SEL1L3: variants seen among roughly 807,000 people sequenced by gnomAD.
SEL1L3 encodes the protein SEL1L family member 3.
SEL1L3 carries 76 observed loss-of-function variants against 142.8 expected under a neutral mutation model. The observed-to-expected ratio is 0.53, with a 90% confidence interval of 0.44 to 0.64. The LOEUF (loss-of-function observed/expected upper bound fraction) is 0.64, where lower values mean the gene tolerates loss of function less well. Among genes scored for constraint, SEL1L3 ranks in the 30% least tolerant of loss-of-function variants. The pLI is 0.00. For missense variants in SEL1L3, 1,262 were observed against 1,381.7 expected (o/e 0.91, Z 1.37); for synonymous variants, 504 against 519.6 (o/e 0.97, Z 0.41).
chr4:25,740,640 G>T, the SEL1L3 span, among the ~76,000 whole-genome samples: 1 of 152,058 alleles, frequency 6.6e-6, no homozygotes, highest in Admixed American at 6.6e-5. Flanking sequence ...GCTCATACTT[G>T]GGAGTGGGCT....
At chr4:25,715,299 G>A in the SEL1L3 span, among the ~76,000 whole-genome samples, 13 of 152,130 alleles carry the variant, frequency 8.5e-5, no homozygotes, top group East Asian at 3.9e-4. Flanking sequence ...GGAGACCAGC[G>A]TGGGCAACAG....
At chr4:25,862,970 ACCCGCCGCCGCCGCCACTGCCGCT>A (rs1388268489) in exon 1 of SEL1L3, 9 of 504,614 alleles carry the variant, frequency 1.8e-5, no homozygotes, top group African/African-American at 1.8e-4. Context: ...CCACCTCCGG[ACCCGCCGCCGCCGCCACTGCCGCT>A]CCCGCCGTCG....
At chr4:25,851,531 C>T (rs1426274426) in intron 1 of SEL1L3, among the ~76,000 whole-genome samples, 1 of 152,062 alleles carries the variant, frequency 6.6e-6, no homozygotes, top group Non-Finnish European at 1.5e-5. Flanking sequence ...ATATCCTTCC[C>T]TAACTTTTGA....
In SEL1L3 at chr4:25,790,409, C is replaced by T. The variant is rs1577607073; in HGVS notation, c.2076+46G>A. ...TTTCATTACCACGGTATAACCCAGT[C>T]TATCATGGCTGACAGAATCCCCAAG... On this transcript the variant is annotated intron_variant, in intron 12 of 23. Coordinates refer to ENST00000399878, the MANE Select transcript of SEL1L3 (RefSeq NM_015187.5). 3 of 1,599,058 alleles carry T rather than the reference C, an allele frequency of 1.9e-6. No individual in the cohort carries two copies. In the East Asian group the frequency reaches 6.7e-5, roughly 36 times the overall value.
At chr4:25,714,617 G>T in the SEL1L3 span, among the ~76,000 whole-genome samples, 1 of 146,264 alleles carries the variant, frequency 6.8e-6, no homozygotes, top group Non-Finnish European at 1.5e-5. Context: ...TCTCACCCAG[G>T]CTGGAGTGCA....
chr4:25,793,771 C>A (rs1223980214), intron 11 of SEL1L3, among the ~76,000 whole-genome samples: 2 of 152,166 alleles, frequency 1.3e-5, no homozygotes, highest in Non-Finnish European at 2.9e-5. Flanking sequence ...ACCTATGAGC[C>A]ATTCTTTTTC....
intron 11 of SEL1L3, among the ~76,000 whole-genome samples, chr4:25,799,017 G>C (rs2109212959): frequency 6.6e-6 from 1 of 152,184 alleles, no homozygotes; most frequent in Middle Eastern, 3.4e-3. Flanking sequence ...CTTGCAGATG[G>C]CTGTCATCTT....
At position 25,818,250 on chromosome 4, in the gene SEL1L3, G is replaced by T; in HGVS notation, c.1452C>A (p.Leu484=). 2.5e-6 allele frequency: 4 copies of T among 1,602,430 alleles called. No homozygotes were observed. The highest frequency in any genetic ancestry group is 3.4e-6 in the Non-Finnish European group (4 of 1,174,454). Residue 484 remains leucine (L), a synonymous_variant, in exon 9 of 24, where the codon CTC becomes CTA. Coordinates refer to ENST00000399878, the MANE Select transcript of SEL1L3 (RefSeq NM_015187.5). The part of the protein sequence containing the change: ...ACHLHNSYLD[L]QRRYGRPSMC... Reference sequence around the variant, plus strand: ...TCGAGGGTCTCCCATACCTGCGCTGGAGGTCCAGGTAGGAGTTGTGGAGGT... The same window carrying T: ...TCGAGGGTCTCCCATACCTGCGCTGTAGGTCCAGGTAGGAGTTGTGGAGGT...
At chr4:25,839,821 C>CAA (rs35677806) in intron 2 of SEL1L3, among the ~76,000 whole-genome samples, 58,027 of 151,962 alleles carry the variant, frequency 0.38, 12,863 homozygotes, top group East Asian at 0.51. Flanking sequence ...AAGAAAAGAA[C>CAA]AAAAGCTCTG....
intron 21 of SEL1L3, 53 bp downstream of exon 21, chr4:25,758,888 A>G: frequency 6.5e-7 from 1 of 1,545,584 alleles, no homozygotes. Context: ...AGAAGCGAAC[A>G]TCATCTACTT....
downstream of SEL1L3, among the ~76,000 whole-genome samples, chr4:25,744,684 CA>C (rs1435419492): frequency 2.0e-5 from 3 of 152,166 alleles, no homozygotes; most frequent in Non-Finnish European, 2.9e-5. Context: ...AATTAGAGGC[CA>C]GGGGTACTGT....
chr4:25,742,499 C>T (rs1052203525), downstream of SEL1L3, among the ~76,000 whole-genome samples: 3 of 151,026 alleles, frequency 2.0e-5, no homozygotes, highest in African/African-American at 2.4e-5. Context: ...GGTTTCACCA[C>T]GTTGGCCAGG....
the SEL1L3 span, among the ~76,000 whole-genome samples, chr4:25,727,393 C>G: frequency 6.6e-6 from 1 of 152,138 alleles, no homozygotes; most frequent in African/African-American, 2.4e-5. Context: ...TGGAATAGGA[C>G]CACCCTAAAA....
At chr4:25,723,460 T>A in the SEL1L3 span, among the ~76,000 whole-genome samples, 1 of 152,212 alleles carries the variant, frequency 6.6e-6, no homozygotes, top group African/African-American at 2.4e-5. Context: ...TGGTTGCTTG[T>A]TCCACAGTAT....
chr4:25,714,545 T>TTTCTTTCTTTC, the SEL1L3 span, among the ~76,000 whole-genome samples: 1 of 138,756 alleles, frequency 7.2e-6, no homozygotes, highest in Non-Finnish European at 1.5e-5. Flanking sequence ...TCTTTCTTTC[T>TTTCTTTCTTTC]TTCTTTCTTC....
chr4:25,760,938 C>G (rs1479811874), intron 20 of SEL1L3, among the ~76,000 whole-genome samples: 1 of 152,092 alleles, frequency 6.6e-6, no homozygotes, highest in Non-Finnish European at 1.5e-5. Flanking sequence ...ACAACTTGCC[C>G]AAGGTTACAC....
At chr4:25,752,716 C>T (rs2109112101) in intron 23 of SEL1L3, among the ~76,000 whole-genome samples, 1 of 152,244 alleles carries the variant, frequency 6.6e-6, no homozygotes, top group Middle Eastern at 3.4e-3. Context: ...TGCCTCCCAG[C>T]TTCAGGTGAT....
At chr4:25,856,613 A>AT (rs1717285585) in intron 1 of SEL1L3, among the ~76,000 whole-genome samples, 1 of 150,026 alleles carries the variant, frequency 6.7e-6, no homozygotes, top group African/African-American at 2.5e-5. Context: ...AAAAAAAAAA[A>AT]CAAAGAAATG....
the SEL1L3 span, among the ~76,000 whole-genome samples, chr4:25,723,761 C>T: frequency 6.6e-6 from 1 of 152,176 alleles, no homozygotes; most frequent in Non-Finnish European, 1.5e-5. Flanking sequence ...GCCAGGGCCC[C>T]ACTCTAAGTT....
Sources: allele counts gnomAD v4.1 joint callset (sites outside exome capture counted in the v4.1 genomes callset), GRCh38; gene constraint gnomAD v4.1.1; transcripts MANE v1.5; gene names NCBI Gene and HGNC (gene_info 2026-07-23, HGNC 2026-07-21).